GRID2: variants seen among roughly 807,000 people sequenced by gnomAD.
The protein encoded by GRID2 is glutamate ionotropic receptor delta type subunit 2.
In GRID2, 33 loss-of-function variants were observed where a neutral mutation model predicts 114.8. That is an observed-to-expected ratio of 0.29 (90% CI 0.22 to 0.38). The LOEUF is 0.38. GRID2 is among the 10% of genes least tolerant of loss of function. GRID2 has a pLI of 1.00. For missense variants in GRID2, 1,184 were observed against 1,257.7 expected, an observed-to-expected ratio of 0.94 and a Z score of 0.89; for synonymous variants, 505 against 449.9, an observed-to-expected ratio of 1.12 and a Z score of -1.55.
At chr4:93,166,865 A>C (rs1215496802) in intron 4 of GRID2, among the ~76,000 whole-genome samples, 2 of 152,156 alleles carry the variant, frequency 1.3e-5, no homozygotes, top group Admixed American at 6.6e-5. Context: ...AATCTAAACC[A>C]GTGTGCTAGC....
chr4:93,544,567 C>T (rs887834002), intron 13 of GRID2, among the ~76,000 whole-genome samples: 5 of 151,798 alleles, frequency 3.3e-5, no homozygotes, highest in African/African-American at 7.3e-5. Context: ...CACCTGAGGT[C>T]GGGAGTTCGA....
At chr4:92,790,632 G>A (rs951066817) in intron 2 of GRID2, among the ~76,000 whole-genome samples, 1 of 151,054 alleles carries the variant, frequency 6.6e-6, no homozygotes, top group South Asian at 2.1e-4. Context: ...TGCCCAGGCT[G>A]GTCTCAAACT....
intron 13 of GRID2, among the ~76,000 whole-genome samples, chr4:93,522,599 G>A (rs1394274440): frequency 1.3e-5 from 2 of 152,112 alleles, no homozygotes; most frequent in Admixed American, 6.6e-5. Flanking sequence ...TATGAATCAT[G>A]GAATCTGTGC....
chr4:92,905,065 A>T (rs931239263), intron 2 of GRID2, among the ~76,000 whole-genome samples: 28 of 152,172 alleles, frequency 1.8e-4, no homozygotes, highest in Non-Finnish European at 1.5e-5. Flanking sequence ...AGTGACAGTG[A>T]TCCTTTTTCA....
intron 2 of GRID2, among the ~76,000 whole-genome samples, chr4:92,763,704 G>C (rs189255203): frequency 5.1e-4 from 78 of 152,096 alleles, no homozygotes; most frequent in Admixed American, 8.5e-4. Flanking sequence ...AAATGAGTGG[G>C]GATACGAATT....
intron 2 of GRID2, among the ~76,000 whole-genome samples, chr4:92,929,842 A>T (rs1750090257): frequency 6.6e-6 from 1 of 151,298 alleles, no homozygotes; most frequent in Non-Finnish European, 1.5e-5. Flanking sequence ...TTTAGTTTTT[A>T]AAAAAGGTTA....
intron 13 of GRID2, among the ~76,000 whole-genome samples, chr4:93,614,336 C>G (rs1444228106): frequency 6.6e-6 from 1 of 152,104 alleles, no homozygotes; most frequent in African/African-American, 2.4e-5. Context: ...TGGCTCCTCC[C>G]CCCTGAAAAT....
chr4:92,684,532 A>G (rs1733808585), intron 2 of GRID2, among the ~76,000 whole-genome samples: 1 of 151,972 alleles, frequency 6.6e-6, no homozygotes, highest in Non-Finnish European at 1.5e-5. Context: ...ATTATTTTAA[A>G]TTTAATGGGT....
intron 4 of GRID2, among the ~76,000 whole-genome samples, chr4:93,170,662 A>G (rs1579183116): frequency 6.6e-6 from 1 of 152,306 alleles, no homozygotes; most frequent in South Asian, 2.1e-4. Flanking sequence ...TCTGTGTCAT[A>G]AATCCAATTC....
At chr4:93,076,838 G>T (rs1226579271) in intron 2 of GRID2, among the ~76,000 whole-genome samples, 1 of 151,686 alleles carries the variant, frequency 6.6e-6, no homozygotes, top group Non-Finnish European at 1.5e-5. Context: ...GGCTGGTCTC[G>T]AACTCCTGAC....
chr4:93,463,259 G>A (rs1205979833), intron 11 of GRID2, among the ~76,000 whole-genome samples: 1 of 152,182 alleles, frequency 6.6e-6, no homozygotes, highest in Non-Finnish European at 1.5e-5. Context: ...ATAGTGAGGA[G>A]TAATTTGTGT....
At chr4:93,635,668 G>C (rs910125203) in intron 14 of GRID2, among the ~76,000 whole-genome samples, 2 of 151,848 alleles carry the variant, frequency 1.3e-5, no homozygotes, top group Non-Finnish European at 2.9e-5. Flanking sequence ...TTCTTTTTCT[G>C]TTTCCTGAAT....
intron 2 of GRID2, among the ~76,000 whole-genome samples, chr4:92,922,657 A>G (rs575781608): frequency 6.6e-6 from 1 of 152,330 alleles, no homozygotes; most frequent in South Asian, 2.1e-4. Flanking sequence ...CAACTCAAGT[A>G]TACATCAGCA....
At chr4:93,042,247 ATCTCTCTC>A (rs1166899378) in intron 2 of GRID2, among the ~76,000 whole-genome samples, 7 of 121,728 alleles carry the variant, frequency 5.8e-5, no homozygotes, top group East Asian at 2.5e-4. Context: ...TATATTTTAA[ATCTCTCTC>A]TCTCTCTCTC....
intron 2 of GRID2, among the ~76,000 whole-genome samples, chr4:92,768,156 T>G (rs1273332718): frequency 6.6e-6 from 1 of 152,218 alleles, no homozygotes; most frequent in East Asian, 1.9e-4. Context: ...CACAAAACCC[T>G]TTCAAGAAAA....
At position 93,659,565 on chromosome 4, in the gene GRID2, T is replaced by C. The variant is rs1276194644; in HGVS notation, c.2360+33130T>C. 2.6e-5 allele frequency among the ~76,000 whole-genome samples: 4 copies of C among 152,232 alleles called. No homozygotes were observed. In the East Asian group the frequency reaches 7.7e-4, roughly 29 times the overall value. ...GATGTCAGGTCTTAAGAAGGGATGA[T>C]GAATGGAAGATTATATTCCCTTTTT... On this transcript the variant is annotated intron_variant, in intron 14 of 15. Coordinates refer to ENST00000282020, the MANE Select transcript of GRID2 (RefSeq NM_001510.4).
chr4:92,341,488 C>A (rs1162290671), intron 1 of GRID2, among the ~76,000 whole-genome samples: 1 of 152,150 alleles, frequency 6.6e-6, no homozygotes, highest in Non-Finnish European at 1.5e-5. Context: ...CCCCCATCCA[C>A]AGCCTACATT....
chr4:92,309,892 G>A (rs1283197563), intron 1 of GRID2, among the ~76,000 whole-genome samples: 5 of 151,926 alleles, frequency 3.3e-5, no homozygotes, highest in Non-Finnish European at 5.9e-5. Flanking sequence ...GAATAAAGTA[G>A]TTTGTTAAGC....
At chr4:93,161,474 C>A (rs575006693) in intron 4 of GRID2, among the ~76,000 whole-genome samples, 1 of 151,962 alleles carries the variant, frequency 6.6e-6, no homozygotes, top group South Asian at 2.1e-4. Context: ...CTAATTCCCA[C>A]ATCCTTTTTA....
Sources: allele counts gnomAD v4.1 joint callset (sites outside exome capture counted in the v4.1 genomes callset), GRCh38; gene constraint gnomAD v4.1.1; transcripts MANE v1.5; gene names NCBI Gene and HGNC (gene_info 2026-07-23, HGNC 2026-07-21).